MKLN1: variants seen among roughly 807,000 people sequenced by gnomAD.
MKLN1 encodes the protein muskelin 1.
A neutral mutation model predicts 99.0 loss-of-function variants in MKLN1; 18 were observed. That is an observed-to-expected ratio of 0.18 (90% CI 0.13 to 0.27). The LOEUF is 0.27. MKLN1 is among the 10% of genes least tolerant of loss of function. The probability of loss-of-function intolerance (pLI) is 1.00; values close to 1 mark genes in which losing one functional copy is unlikely to be tolerated. For missense variants in MKLN1, 621 were observed against 875.9 expected (o/e 0.71, Z 3.67); for synonymous variants, 288 against 293.2 (o/e 0.98, Z 0.18).
At chr7:131,117,206 C>T (rs921334750) in intron 1 of MKLN1, among the ~76,000 whole-genome samples, 4 of 151,752 alleles carry the variant, frequency 2.6e-5, no homozygotes, top group East Asian at 1.9e-4. Flanking sequence ...CTGAGGTGGG[C>T]GGATCACGAG....
chr7:131,350,244 A>G (rs937862311), intron 1 of MKLN1, among the ~76,000 whole-genome samples: 3 of 136,044 alleles, frequency 2.2e-5, no homozygotes, highest in African/African-American at 8.3e-5. Context: ...TTTTTTTGGT[A>G]GAGTTGGGGT....
intron 15 of MKLN1, among the ~76,000 whole-genome samples, chr7:131,467,236 A>G (rs1796690673): frequency 6.6e-6 from 1 of 152,218 alleles, no homozygotes; most frequent in Non-Finnish European, 1.5e-5. Flanking sequence ...TTCTGACTCC[A>G]GAGTTCACCG....
chr7:131,336,909 T>C (rs1799266087), intron 1 of MKLN1, among the ~76,000 whole-genome samples: 1 of 152,198 alleles, frequency 6.6e-6, no homozygotes, highest in African/African-American at 2.4e-5. Flanking sequence ...TTAGGGAGTT[T>C]GGTGGTACTG....
intron 16 of MKLN1, chr7:131,471,148 C>A (rs1262856017): frequency 1.1e-5 from 5 of 463,656 alleles, no homozygotes; most frequent in Non-Finnish European, 1.9e-5. Flanking sequence ...CACCAAAAAC[C>A]CTTGGTCCAT....
intron 6 of MKLN1, among the ~76,000 whole-genome samples, chr7:131,405,751 A>G (rs1794684508): frequency 6.6e-6 from 1 of 152,110 alleles, no homozygotes; most frequent in Non-Finnish European, 1.5e-5. Context: ...TTTGTTAGTG[A>G]TTTCTGGCAT....
chr7:131,328,062 T>G, intron 1 of MKLN1, 65 bp downstream of exon 1: 1 of 1,556,976 alleles, frequency 6.4e-7, no homozygotes, highest in Non-Finnish European at 8.7e-7. Flanking sequence ...GGGCCAGGGG[T>G]GCAATGGAGG....
intron 3 of MKLN1, among the ~76,000 whole-genome samples, chr7:131,301,173 G>A (rs1217154536): frequency 6.6e-6 from 1 of 152,164 alleles, no homozygotes; most frequent in Non-Finnish European, 1.5e-5. Context: ...ATTTTTAAAA[G>A]TTCCCCATGT....
At chr7:131,348,257 C>T (rs968952847) in intron 1 of MKLN1, among the ~76,000 whole-genome samples, 1 of 152,032 alleles carries the variant, frequency 6.6e-6, no homozygotes, top group Non-Finnish European at 1.5e-5. Context: ...CAGATATGTT[C>T]TAGGTGTTAA....
chr7:131,204,377 G>A (rs1425838961), intron 3 of MKLN1, among the ~76,000 whole-genome samples: 3 of 152,162 alleles, frequency 2.0e-5, no homozygotes, highest in African/African-American at 7.2e-5. Context: ...TCAGGGATCA[G>A]GAATAGCTTG....
intron 3 of MKLN1, among the ~76,000 whole-genome samples, chr7:131,234,159 T>C (rs369803127): frequency 6.6e-6 from 1 of 151,618 alleles, no homozygotes; most frequent in South Asian, 2.1e-4. Context: ...TTTGTATTTT[T>C]AGTAGAGACG....
intron 9 of MKLN1, among the ~76,000 whole-genome samples, chr7:131,429,779 A>G (rs1425673734): frequency 6.6e-6 from 1 of 152,058 alleles, no homozygotes; most frequent in Non-Finnish European, 1.5e-5. Context: ...ACGGGGTTTC[A>G]CCATGTTAAC....
Position 131,411,392 on chromosome 7 carries a change from T to C in MKLN1, c.781+9T>C, listed in dbSNP as rs1794870387. On this transcript the variant is annotated intron_variant, in intron 7 of 17. Transcript: ENST00000352689. The stretch of plus-strand genomic sequence containing the variant: ...TCCCAAAAGTACCAAAGGTAAGCCA[T>C]ACCTTCTAGATTGTAGTTCTTTTTC... 1 of 1,572,222 alleles carries C rather than the reference T, an allele frequency of 6.4e-7. No homozygotes were observed. The highest frequency in any genetic ancestry group is 8.8e-7 in the Non-Finnish European group (1 of 1,142,032).
intron 3 of MKLN1, among the ~76,000 whole-genome samples, chr7:131,251,426 C>A (rs1200228066): frequency 6.6e-6 from 1 of 152,100 alleles, no homozygotes; most frequent in Non-Finnish European, 1.5e-5. Flanking sequence ...AAGTCCTCAT[C>A]TTATACATGA....
At chr7:131,299,006 C>A (rs1280888633) in intron 3 of MKLN1, among the ~76,000 whole-genome samples, 2 of 152,162 alleles carry the variant, frequency 1.3e-5, no homozygotes, top group Admixed American at 1.3e-4. Context: ...CAGCGAGATT[C>A]TGTCTCTATT....
chr7:131,366,505 G>A (rs1800184412), intron 1 of MKLN1, among the ~76,000 whole-genome samples: 1 of 152,062 alleles, frequency 6.6e-6, no homozygotes, highest in Non-Finnish European at 1.5e-5. Flanking sequence ...TTATATTTAA[G>A]TATTCTTAAG....
chr7:131,277,514 C>T (rs2116571826), intron 3 of MKLN1, among the ~76,000 whole-genome samples: 1 of 152,218 alleles, frequency 6.6e-6, no homozygotes, highest in South Asian at 2.1e-4. Flanking sequence ...AAACTCCTGA[C>T]CTCAGGTGAT....
chr7:131,175,246 G>A (rs374820685), intron 2 of MKLN1, among the ~76,000 whole-genome samples: 3 of 50,934 alleles, frequency 5.9e-5, no homozygotes, highest in African/African-American at 9.5e-5. Context: ...ATGGATGGAT[G>A]GATAGATAGA....
intron 6 of MKLN1, among the ~76,000 whole-genome samples, chr7:131,404,119 T>G (rs1029809050): frequency 2.0e-5 from 3 of 152,224 alleles, no homozygotes; most frequent in Non-Finnish European, 4.4e-5. Flanking sequence ...TTTTATGAAG[T>G]ATTTTTGCAT....
At chr7:131,479,951 G>C (rs1246295526) in intron 17 of MKLN1, among the ~76,000 whole-genome samples, 1 of 151,588 alleles carries the variant, frequency 6.6e-6, no homozygotes, top group African/African-American at 2.4e-5. Flanking sequence ...AACCCAGGAG[G>C]GGGAGGTTGC....
Sources: allele counts gnomAD v4.1 joint callset (sites outside exome capture counted in the v4.1 genomes callset), GRCh38; gene constraint gnomAD v4.1.1; transcripts MANE v1.5; gene names NCBI Gene and HGNC (gene_info 2026-07-23, HGNC 2026-07-21).